KLHDC1: variants seen among roughly 807,000 people sequenced by gnomAD.
KLHDC1 encodes kelch domain containing 1.
In KLHDC1, 53 loss-of-function variants were observed where a neutral mutation model predicts 68.3. The ratio of observed to expected loss-of-function variants is 0.78; its 90% confidence interval spans 0.62 to 0.98. The LOEUF is 0.98. Ranked by LOEUF, KLHDC1 falls within the 50% of genes least tolerant of loss-of-function variation. The pLI is 0.00. For missense variants in KLHDC1, 470 were observed against 492.3 expected, an observed-to-expected ratio of 0.95 and a Z score of 0.43; for synonymous variants, 148 against 159.0, an observed-to-expected ratio of 0.93 and a Z score of 0.52.
chr14:49,710,438 TG>T, intron 4 of KLHDC1, 57 bp downstream of exon 4: 2 of 909,040 alleles, frequency 2.2e-6, no homozygotes, highest in Non-Finnish European at 3.6e-6. Context: ...ATAATAGCTT[TG>T]GCTAAAATAC....
At chr14:49,740,310 TTTAA>T in intron 11 of KLHDC1, 128 bp downstream of exon 11, 4 of 591,940 alleles carry the variant, frequency 6.8e-6, no homozygotes, top group Non-Finnish European at 1.2e-5. Flanking sequence ...TACTCTGTGG[TTTAA>T]TTAATCTTCA....
chr14:49,705,437 C>T (rs570762575), intron 1 of KLHDC1, among the ~76,000 whole-genome samples: 1 of 130,156 alleles, frequency 7.7e-6, no homozygotes, highest in South Asian at 2.5e-4. Context: ...GGCATGATCT[C>T]AGGTTACTGC....
At chr14:49,742,784 A>G (rs892390513) in intron 11 of KLHDC1, among the ~76,000 whole-genome samples, 2 of 151,946 alleles carry the variant, frequency 1.3e-5, no homozygotes, top group Non-Finnish European at 2.9e-5. Context: ...GAAAAAGTTC[A>G]GCTTAAAAAC....
intron 4 of KLHDC1, among the ~76,000 whole-genome samples, chr14:49,710,721 C>A (rs370014873): frequency 1.3e-5 from 2 of 152,288 alleles, no homozygotes; most frequent in South Asian, 4.1e-4. Context: ...CTTCCCATTC[C>A]TTCAACGCTA....
chr14:49,738,477 G>A (rs143584988), intron 10 of KLHDC1, among the ~76,000 whole-genome samples: 3,459 of 151,892 alleles, frequency 0.023, 42 homozygotes, highest in Middle Eastern at 0.088. Context: ...CTTCTAAGTA[G>A]CTGGGATTAC....
At chr14:49,701,901 GC>G (rs1457013576) in intron 1 of KLHDC1, among the ~76,000 whole-genome samples, 2 of 152,106 alleles carry the variant, frequency 1.3e-5, no homozygotes, top group African/African-American at 2.4e-5. Context: ...GGGCGTGGTG[GC>G]TCACGCCTGT....
intron 1 of KLHDC1, among the ~76,000 whole-genome samples, chr14:49,701,818 G>A (rs1283287072): frequency 2.6e-5 from 4 of 152,130 alleles, no homozygotes; most frequent in Non-Finnish European, 5.9e-5. Flanking sequence ...CAGATCACCT[G>A]AGGTCTGGAG....
At chr14:49,735,371 A>C (rs1888906773) in intron 10 of KLHDC1, among the ~76,000 whole-genome samples, 1 of 151,996 alleles carries the variant, frequency 6.6e-6, no homozygotes, top group Non-Finnish European at 1.5e-5. Context: ...TAGAATTTTA[A>C]AAATACAGAT....
chr14:49,732,668 T>G (rs377002223), intron 8 of KLHDC1, 36 bp from the exon 9 acceptor site: 2 of 1,061,968 alleles, frequency 1.9e-6, no homozygotes. Flanking sequence ...TTTTGATTAA[T>G]ATAGTACCTA....
chr14:49,700,661 A>G (rs55992100), intron 1 of KLHDC1, among the ~76,000 whole-genome samples: 13,742 of 152,274 alleles, frequency 0.09, 903 homozygotes, highest in Admixed American at 0.21. Context: ...AGAAGGATCA[A>G]TTTAGAAAAT....
intron 4 of KLHDC1, among the ~76,000 whole-genome samples, chr14:49,720,920 G>T (rs1421576694): frequency 6.6e-6 from 1 of 151,998 alleles, no homozygotes; most frequent in Non-Finnish European, 1.5e-5. Flanking sequence ...CCTATATAAT[G>T]AATTCTTTAG....
At chr14:49,729,655 T>A (rs34410594) in intron 8 of KLHDC1, 107 bp downstream of exon 8, 232 of 695,482 alleles carry the variant, frequency 3.3e-4, no homozygotes, top group Non-Finnish European at 5.3e-4. Context: ...ATTTTTTTCC[T>A]TCAGATCGTA....
At position 49,752,928 on chromosome 14, in the gene KLHDC1, C is replaced by T. The variant is rs1889348206; in HGVS notation, c.*1156C>T. On this transcript the variant is annotated 3_prime_UTR_variant, in exon 13 of 13. Coordinates refer to ENST00000359332, the MANE Select transcript of KLHDC1 (RefSeq NM_172193.3). Reference sequence around the variant, plus strand: ...TTTAAAATGTTAAAGAAAAACATTTCTATATTGAAATATATATAATTTATA... The same window carrying T: ...TTTAAAATGTTAAAGAAAAACATTTTTATATTGAAATATATATAATTTATA... 1 of 151,752 alleles carries T rather than the reference C, an allele frequency of 6.6e-6. No individual in the cohort carries two copies. The highest frequency in any genetic ancestry group is 1.5e-5 in the Non-Finnish European group (1 of 67,932). 9.4% of individuals were successfully genotyped at this position (151,752 alleles called of 1,614,324 possible). A position where few individuals can be genotyped will look rare whatever the true frequency, so the allele number is the denominator to read the frequency against.
chr14:49,712,025 C>T (rs1888218610), intron 4 of KLHDC1, among the ~76,000 whole-genome samples: 1 of 139,248 alleles, frequency 7.2e-6, no homozygotes, highest in African/African-American at 2.6e-5. Context: ...TCAAGCAATT[C>T]TCCTGCCTCA....
chr14:49,724,557 A>T (rs1440020444), intron 5 of KLHDC1, among the ~76,000 whole-genome samples: 3 of 151,990 alleles, frequency 2.0e-5, no homozygotes. Context: ...ATGTGTATAT[A>T]TATATATACA....
intron 1 of KLHDC1, 60 bp downstream of exon 1, chr14:49,693,350 C>G (rs1238794063): frequency 8.4e-7 from 1 of 1,197,294 alleles, no homozygotes; most frequent in Non-Finnish European, 1.1e-6. Context: ...CCTGAGCGGA[C>G]GCAGCGCCCG....
chr14:49,702,529 A>C (rs1372535187), intron 1 of KLHDC1, among the ~76,000 whole-genome samples: 3 of 152,180 alleles, frequency 2.0e-5, no homozygotes, highest in South Asian at 4.1e-4. Context: ...ATTCTTTTTA[A>C]ATGACCAGAA....
intron 10 of KLHDC1, among the ~76,000 whole-genome samples, chr14:49,739,590 C>G (rs1179534653): frequency 6.6e-6 from 1 of 151,932 alleles, no homozygotes; most frequent in African/African-American, 2.4e-5. Context: ...GGAAAAAAGG[C>G]AAAAATTATA....
chr14:49,723,818 A>T, intron 4 of KLHDC1, 56 bp from the exon 5 acceptor site: 1 of 1,020,186 alleles, frequency 9.8e-7, no homozygotes, highest in Non-Finnish European at 1.5e-6. Flanking sequence ...TCAGCTTTCT[A>T]TGAACAAACT....
Sources: allele counts gnomAD v4.1 joint callset (sites outside exome capture counted in the v4.1 genomes callset), GRCh38; gene constraint gnomAD v4.1.1; transcripts MANE v1.5; gene names NCBI Gene and HGNC (gene_info 2026-07-23, HGNC 2026-07-21).